Variants in PNPLA7 observed in about 807,000 individuals in gnomAD.
PNPLA7 encodes the protein patatin like domain 7, lysophospholipase.
PNPLA7 carries 153 observed loss-of-function variants against 161.7 expected under a neutral mutation model. The observed-to-expected ratio is 0.95, with a 90% CI of 0.83 to 1.08. The LOEUF (loss-of-function observed/expected upper bound fraction) is 1.08. Ranked by LOEUF, PNPLA7 falls within the 50% of genes least tolerant of loss-of-function variation. PNPLA7 has a pLI of 0.00. For missense variants in PNPLA7, 1,739 were observed against 1,856.6 expected (o/e 0.94, Z 1.16); for synonymous variants, 809 against 782.1 (o/e 1.03, Z -0.57).
intron 32 of PNPLA7, 138 bp downstream of exon 32, chr9:137,461,793 G>A (rs918574572): frequency 5.4e-5 from 65 of 1,195,560 alleles, no homozygotes; most frequent in African/African-American, 1.1e-4. Flanking sequence ...CCTTGTCCTG[G>A]CCCTGGAGTC....
In PNPLA7 at chr9:137,478,039, T is replaced by C. The variant is rs1832023772; in HGVS notation, c.2877A>G (p.Gly959=). 2.1e-6 allele frequency: 3 copies of C among 1,422,866 alleles called. No individual in the cohort carries two copies. Among genetic ancestry groups the C allele is most frequent in the Non-Finnish European group, 9.2e-7 (1 of 1,083,992 alleles). 88.1% of individuals were successfully genotyped at this position (1,422,866 alleles called of 1,614,324 possible). The part of the protein sequence containing the change: ...NAIALVLGGG[G]ARGCAQVGVL... The stretch of plus-strand genomic sequence containing the variant: ...TAGGAAGCGGGGGGACTCACCTTGC[T>C]CCCCCTCCCCCAAGCACCAGGGCAA... Residue 959 remains glycine, a synonymous_variant, in exon 25 of 35, where the codon GGA becomes GGG. Transcript: ENST00000406427.
At chr9:137,494,816 C>A (rs1346893190) in intron 19 of PNPLA7, among the ~76,000 whole-genome samples, 5 of 150,480 alleles carry the variant, frequency 3.3e-5, no homozygotes, top group African/African-American at 1.2e-4. Flanking sequence ...CTGCCCTCAC[C>A]TGCTCCGTGA....
Position 137,519,996 on chromosome 9 carries a change from C to T in PNPLA7, c.1005G>A (p.Gly335=). The change falls in exon 11 of 35, where the codon GGG becomes GGA. Residue 335 remains glycine, a synonymous_variant. Transcript: ENST00000406427. ...PLVSVASVAA[G]KAKKQVFYGE... is the part of the protein sequence containing the mutation. ...CATAGAACACCTGCTTCTTGGCCTTCCCGGCAGCCACACTGGCTACAGACA... is the reference window on the plus strand; with the variant it reads ...CATAGAACACCTGCTTCTTGGCCTTTCCGGCAGCCACACTGGCTACAGACA... The T allele has an allele frequency of 1.2e-6, 2 of 1,612,782 alleles. No homozygotes were observed. Among genetic ancestry groups the T allele is most frequent in the Non-Finnish European group, 1.7e-6 (2 of 1,179,902 alleles).
Position 137,547,777 on chromosome 9 carries a change from TGGGA to T in PNPLA7, c.31-122_31-119del. ...AGAAGTCAGCAGCCCTGGAGACTTC[TGGGA>T]AGAAGTGATCTCGCCCGGGGTGCCG... On this transcript the variant is annotated intron_variant, in intron 1 of 34. Transcript: ENST00000406427. This position sits in a 1 kb window ranked among gnomAD's most constrained non-coding sequence, Gnocchi z 4.6. The T allele has an allele frequency of 3.1e-6, 3 of 974,862 alleles. No homozygotes were observed. Among genetic ancestry groups the T allele is most frequent in the Non-Finnish European group, 4.9e-6 (3 of 617,828 alleles). The allele number at this position is 974,862 out of a possible 1,614,324, so 60.4% of individuals were successfully genotyped here.
chr9:137,481,125 C>G, intron 21 of PNPLA7, 102 bp from the exon 22 acceptor site: 1 of 1,249,658 alleles, frequency 8.0e-7, no homozygotes, highest in Admixed American at 2.0e-5. Flanking sequence ...AGCCAGGCAC[C>G]GACGCCCAGC....
In PNPLA7 at chr9:137,462,685, C is replaced by T; in HGVS notation, c.3492G>A (p.Lys1164=). 6.2e-7 allele frequency: 1 copy of T among 1,613,646 alleles called. No individual in the cohort carries two copies. The part of the protein sequence containing the change: ...KRWNPLATKV[K]VLNMAEIQTR... ...CCCAGCCTGCCCGGTAGCACCCCAC[C>T]TTGACTTTCGTGGCCAAGGGGTTCC... Residue 1164 remains lysine (K), a splice_region_variant and synonymous_variant, in exon 30 of 35, where the codon AAG becomes AAA. Transcript: ENST00000406427.
chr9:137,547,021 T>C lies in PNPLA7; in HGVS notation c.194-112A>G. ...TCTCGTCCCTGCCAGTAACTGGCCATACTCAGACAGCATGAGGGAAGAGGG... is the reference window on the plus strand; with the variant it reads ...TCTCGTCCCTGCCAGTAACTGGCCACACTCAGACAGCATGAGGGAAGAGGG... On this transcript the variant is annotated intron_variant, in intron 3 of 34. Transcript: ENST00000406427. This position sits in a 1 kb window ranked among gnomAD's most constrained non-coding sequence, Gnocchi z 4.6. 1 of 1,016,438 alleles carries C rather than the reference T, an allele frequency of 9.8e-7. No individual in the cohort carries two copies. The highest frequency in any genetic ancestry group is 1.5e-6 in the Non-Finnish European group (1 of 665,760). The allele number at this position is 1,016,438 out of a possible 1,614,324, so 63.0% of individuals were successfully genotyped here. A position where few individuals can be genotyped will look rare whatever the true frequency, so the allele number is the denominator to read the frequency against.
chr9:137,544,459 C>T (rs557922880), intron 4 of PNPLA7, among the ~76,000 whole-genome samples: 14 of 152,282 alleles, frequency 9.2e-5, no homozygotes, highest in Middle Eastern at 3.4e-3. Context: ...CTCAACAGAC[C>T]GCCTCCACTC....
chr9:137,549,080 G>A (rs1428459212), intron 1 of PNPLA7, among the ~76,000 whole-genome samples: 7 of 152,242 alleles, frequency 4.6e-5, no homozygotes, highest in South Asian at 2.1e-4. Context: ...GCTCTCCTGC[G>A]GTGGAGCGGC....
rs577164994 is a variant in PNPLA7 at position 137,468,024 on chromosome 9, C to T, written c.2883-551G>A. 1.5e-4 allele frequency among the ~76,000 whole-genome samples: 23 copies of T among 152,248 alleles called. No homozygotes were observed. The East Asian group carries it at 3.9e-3, about 26-fold the overall frequency. On this transcript the variant is annotated intron_variant, in intron 25 of 34. Transcript: ENST00000406427. The surrounding 1 kb of genome is among the most constrained non-coding windows in gnomAD (Gnocchi z 4.0). Reference sequence around the variant, plus strand: ...TTGACCGGCATTGGCCTCTTCTACCCGGAAACACGGCTGCCTCCAGCAGGG... The same window carrying T: ...TTGACCGGCATTGGCCTCTTCTACCTGGAAACACGGCTGCCTCCAGCAGGG...
chr9:137,483,500 G>A (rs533289954), intron 21 of PNPLA7, among the ~76,000 whole-genome samples: 14 of 152,106 alleles, frequency 9.2e-5, no homozygotes, highest in Non-Finnish European at 1.5e-4. Flanking sequence ...TGTCACCCAC[G>A]CTGGAGTGCA....
At chr9:137,526,879 T>C (rs1204072077) in intron 8 of PNPLA7, among the ~76,000 whole-genome samples, 1 of 152,196 alleles carries the variant, frequency 6.6e-6, no homozygotes, top group Non-Finnish European at 1.5e-5. Flanking sequence ...GAATAGAGAC[T>C]TTTATTTTTT....
rs962018280 is a variant in PNPLA7 at position 137,523,907 on chromosome 9, G to A, written c.748-1050C>T. Among the ~76,000 whole-genome samples the A allele has an allele frequency of 2.6e-5, 4 of 151,882 alleles. No homozygotes were observed. Among genetic ancestry groups the A allele is most frequent in the Non-Finnish European group, 4.4e-5 (3 of 67,970 alleles). On this transcript the variant is annotated intron_variant, in intron 8 of 34. Transcript: ENST00000406427. The surrounding 1 kb of genome is among the most constrained non-coding windows in gnomAD (Gnocchi z 4.4). ...GGCCTCCCAAAGTGCTGGGATTACC[G>A]GCGTGAGCCACCACGCCTGGCTCAG... is the stretch of plus-strand genomic sequence containing the variant.
intron 14 of PNPLA7, among the ~76,000 whole-genome samples, chr9:137,504,330 G>A (rs1000097915): frequency 1.3e-5 from 2 of 152,158 alleles, no homozygotes; most frequent in Admixed American, 6.5e-5. Context: ...TCCTGCCTCA[G>A]CCTCCCAAGT....
chr9:137,478,901 GA>G, intron 24 of PNPLA7, 154 bp downstream of exon 24: 1 of 1,092,228 alleles, frequency 9.2e-7, no homozygotes, highest in Non-Finnish European at 1.2e-6. Context: ...AGGGCAAGAT[GA>G]AGGAGACGTG....
chr9:137,541,694 G>A lies in PNPLA7; in HGVS notation c.666+948C>T, dbSNP rs981174051. Among the ~76,000 whole-genome samples the A allele has an allele frequency of 1.8e-4, 27 of 152,194 alleles. No homozygotes were observed. The highest frequency in any genetic ancestry group is 6.5e-4 in the African/African-American group (27 of 41,440). On this transcript the variant is annotated intron_variant, in intron 7 of 34. Transcript: ENST00000406427. The surrounding 1 kb of genome is among the most constrained non-coding windows in gnomAD (Gnocchi z 4.4). ...GCCAAAGAGGCCACGGCAGGGTCTG[G>A]CCCAGCACCCACCCCCGAGCAGCGA...
chr9:137,522,220 G>A (rs998908282), intron 9 of PNPLA7, among the ~76,000 whole-genome samples: 22 of 152,308 alleles, frequency 1.4e-4, no homozygotes, highest in Non-Finnish European at 2.1e-4. Flanking sequence ...GACTACAGGC[G>A]CCCGCCACCA....
At chr9:137,503,884 AGAAGGAAGAAGAAGAAGGAAG>A (rs1281379713) in intron 14 of PNPLA7, among the ~76,000 whole-genome samples, 2 of 131,008 alleles carry the variant, frequency 1.5e-5, no homozygotes, top group East Asian at 2.2e-4. Flanking sequence ...AGAAGAAAGA[AGAAGGAAGAAGAAGAAGGAAG>A]AAGAAAGAAG....
Position 137,540,991 on chromosome 9 carries a change from G to A in PNPLA7, c.667-269C>T, listed in dbSNP as rs1836171917. On this transcript the variant is annotated intron_variant, in intron 7 of 34. Transcript: ENST00000406427. The surrounding 1 kb of genome is among the most constrained non-coding windows in gnomAD (Gnocchi z 5.1). The stretch of plus-strand genomic sequence containing the variant: ...ACTCGTCTTCAATGTGGGGACTGAG[G>A]CAAAAGCTCGCAGAGCCTGTTTGTT... The A allele has an allele frequency of 4.8e-6, 2 of 417,308 alleles. No individual in the cohort carries two copies. The highest frequency in any genetic ancestry group is 9.0e-6 in the Non-Finnish European group (2 of 223,288). 25.9% of individuals were successfully genotyped at this position (417,308 alleles called of 1,614,324 possible). A position where few individuals can be genotyped will look rare whatever the true frequency, so the allele number is the denominator to read the frequency against.
Sources: gnomAD v4.1 joint callset for allele counts (sites outside exome capture counted in the v4.1 genomes callset) on GRCh38, gnomAD v4.1.1 for gene constraint, Gnocchi (gnomAD v3.1) non-coding constraint, MANE v1.5 for transcripts, NCBI Gene and HGNC (gene_info 2026-07-23, HGNC 2026-07-21) for gene names.